CAMK1D: variants seen among roughly 807,000 people sequenced by gnomAD.
CAMK1D encodes the protein calcium/calmodulin-dependent protein kinase type 1D.
Under a neutral mutation model 47.7 loss-of-function variants are expected in CAMK1D, and 9 were observed. The ratio of observed to expected loss-of-function variants is 0.19; its 90% CI spans 0.11 to 0.33. The LOEUF is 0.33. Among genes scored for constraint, CAMK1D ranks in the 10% least tolerant of loss-of-function variants. The pLI is 1.00. For missense variants in CAMK1D, 291 were observed against 488.7 expected (o/e 0.60, Z 3.81); for synonymous variants, 184 against 184.9 (o/e 0.99, Z 0.04).
rs750447013 is a variant in CAMK1D at position 12,672,896 on chromosome 10, C to CTTTTTTTTTTTTTTTT, written c.299+6090_299+6105dup. Among the ~76,000 whole-genome samples the CTTTTTTTTTTTTTTTT allele has an allele frequency of 1.2e-3, 93 of 76,436 alleles. 2 individuals carry two copies. Among genetic ancestry groups the CTTTTTTTTTTTTTTTT allele is most frequent in the African/African-American group, 2.0e-3 (31 of 15,828 alleles). The allele number at this position is 76,436 out of a possible 152,430, so 50.1% of individuals were successfully genotyped here. A position where few individuals can be genotyped will look rare whatever the true frequency, so the allele number is the denominator to read the frequency against. ...CATGTAAGTTTTAGAATAGGCTTGC[C>CTTTTTTTTTTTTTTTT]TTTTTTTTTTTTTTTTTTTAGTCAG... On this transcript the variant is annotated intron_variant, in intron 3 of 10. Coordinates refer to ENST00000619168, the MANE Select transcript of CAMK1D (RefSeq NM_153498.4).
chr10:12,563,319 A>AC (rs1837002982), intron 2 of CAMK1D, among the ~76,000 whole-genome samples: 1 of 151,986 alleles, frequency 6.6e-6, no homozygotes, highest in African/African-American at 2.4e-5. Context: ...ACACCACTGC[A>AC]CCCCAGTCTG....
chr10:12,416,770 G>T (rs1041579433), intron 1 of CAMK1D, among the ~76,000 whole-genome samples: 3 of 152,206 alleles, frequency 2.0e-5, no homozygotes, highest in African/African-American at 7.2e-5. Flanking sequence ...TGTTTTTCCG[G>T]TGGGTTCTGC....
intron 1 of CAMK1D, among the ~76,000 whole-genome samples, chr10:12,524,335 C>T (rs1835546554): frequency 6.6e-6 from 1 of 152,294 alleles, no homozygotes; most frequent in African/African-American, 2.4e-5. Context: ...TGAAGAAAAT[C>T]TAAAAGTCCT....
intron 5 of CAMK1D, among the ~76,000 whole-genome samples, chr10:12,783,540 G>A (rs1268269395): frequency 1.3e-5 from 2 of 152,068 alleles, no homozygotes; most frequent in African/African-American, 4.8e-5. Context: ...ACGTCCTTGG[G>A]GCTCGGGAAA....
At chr10:12,624,212 G>C (rs574299043) in intron 2 of CAMK1D, among the ~76,000 whole-genome samples, 16 of 150,942 alleles carry the variant, frequency 1.1e-4, no homozygotes, top group Non-Finnish European at 1.9e-4. Flanking sequence ...GAGTGTGTGC[G>C]TGTGTGTGTG....
At chr10:12,542,218 C>T (rs1008572164) in intron 1 of CAMK1D, among the ~76,000 whole-genome samples, 10 of 152,026 alleles carry the variant, frequency 6.6e-5, no homozygotes, top group African/African-American at 9.7e-5. Context: ...ATTGTGCTGA[C>T]GTGACACTGG....
intron 2 of CAMK1D, among the ~76,000 whole-genome samples, chr10:12,602,871 C>T (rs1838343387): frequency 8.4e-6 from 1 of 119,642 alleles, no homozygotes; most frequent in African/African-American, 2.7e-5. Context: ...CTCCCATAAG[C>T]ATCACATGTC....
rs140379059 is a variant in CAMK1D at position 12,568,906 on chromosome 10, T to C, written c.224+15550T>C. Among the ~76,000 whole-genome samples the C allele has an allele frequency of 4.9e-4, 74 of 152,352 alleles. No homozygotes were observed. The East Asian group carries it at 0.01, about 21-fold the overall frequency. On this transcript the variant is annotated intron_variant, in intron 2 of 10. Transcript: ENST00000619168. ...GTTATTATTAAGTCCATTATTATTA[T>C]TCAGTTAATACAACTTTTTCAAAAA...
intron 2 of CAMK1D, among the ~76,000 whole-genome samples, chr10:12,617,934 C>A (rs1345449288): frequency 6.6e-6 from 1 of 152,116 alleles, no homozygotes; most frequent in African/African-American, 2.4e-5. Flanking sequence ...GGATTACAGC[C>A]GTTTATCTGT....
chr10:12,580,158 G>A (rs1255918936), intron 2 of CAMK1D, among the ~76,000 whole-genome samples: 1 of 152,126 alleles, frequency 6.6e-6, no homozygotes, highest in Non-Finnish European at 1.5e-5. Context: ...TTCCTAAAGG[G>A]TTAGTCATTC....
chr10:12,750,689 GA>G, intron 3 of CAMK1D, among the ~76,000 whole-genome samples: 2 of 152,246 alleles, frequency 1.3e-5, no homozygotes, highest in South Asian at 2.1e-4. Context: ...ATGAATGAAT[GA>G]ATGATGAATG....
At chr10:12,376,891 G>A (rs1267324934) in intron 1 of CAMK1D, among the ~76,000 whole-genome samples, 2 of 151,866 alleles carry the variant, frequency 1.3e-5, no homozygotes, top group East Asian at 3.9e-4. Flanking sequence ...CTCCCCAGTA[G>A]CTGGGATTAC....
rs1427987062 is a variant in CAMK1D, at chr10:12,522,874, A to AC, written c.93-30345dup. ...AGGGCGGCTGGCCGGGCGGGGGCTGACCCCCCACCTCCCTCCCGGACGGGG... is the reference window on the plus strand; with the variant it reads ...AGGGCGGCTGGCCGGGCGGGGGCTGACCCCCCCACCTCCCTCCCGGACGGGG... On this transcript the variant is annotated intron_variant, in intron 1 of 10. Transcript: ENST00000619168. 8.2e-4 allele frequency among the ~76,000 whole-genome samples: 57 copies of AC among 69,850 alleles called. 5 individuals carry two copies. Among genetic ancestry groups the AC allele is most frequent in the Non-Finnish European group, 1.2e-3 (41 of 35,638 alleles). 45.8% of individuals were successfully genotyped at this position (69,850 alleles called of 152,430 possible). A position where few individuals can be genotyped will look rare whatever the true frequency, so the allele number is the denominator to read the frequency against.
intron 3 of CAMK1D, among the ~76,000 whole-genome samples, chr10:12,701,719 A>G (rs183663871): frequency 3.9e-5 from 6 of 152,374 alleles, no homozygotes; most frequent in East Asian, 1.9e-4. Context: ...GCATTCTCCA[A>G]ACATACTCAT....
intron 1 of CAMK1D, among the ~76,000 whole-genome samples, chr10:12,430,996 C>T (rs11257788): frequency 0.012 from 1,842 of 152,274 alleles, 38 homozygotes; most frequent in African/African-American, 0.043. Context: ...GTGATCCGCC[C>T]GCTTTGGCCT....
chr10:12,619,022 C>A (rs1838909217), intron 2 of CAMK1D, among the ~76,000 whole-genome samples: 1 of 152,218 alleles, frequency 6.6e-6, no homozygotes, highest in Non-Finnish European at 1.5e-5. Context: ...CAGTGCTATG[C>A]AGTACTACTA....
rs116811004 is a variant in CAMK1D, at chr10:12,417,667, G to A, written c.92+67757G>A. Among the ~76,000 whole-genome samples, 460 of 152,326 alleles carry A rather than the reference G, an allele frequency of 3.0e-3. 5 individuals carry two copies. Among genetic ancestry groups the A allele is most frequent in the African/African-American group, 0.011 (442 of 41,570 alleles). Reference sequence around the variant, plus strand: ...TCCTTCAGAAATGAGGGCTGGGGGAGGCCCGAGGCTGGCCATCTGGGGAGC... The same window carrying A: ...TCCTTCAGAAATGAGGGCTGGGGGAAGCCCGAGGCTGGCCATCTGGGGAGC... On this transcript the variant is annotated intron_variant, in intron 1 of 10. Transcript: ENST00000619168.
intron 1 of CAMK1D, among the ~76,000 whole-genome samples, chr10:12,495,197 C>G (rs1205585827): frequency 6.6e-6 from 1 of 152,110 alleles, no homozygotes; most frequent in African/African-American, 2.4e-5. Flanking sequence ...TTTCTCAGAA[C>G]AAAAATGTGT....
intron 1 of CAMK1D, among the ~76,000 whole-genome samples, chr10:12,473,492 G>A (rs1364950999): frequency 1.3e-5 from 2 of 152,126 alleles, no homozygotes; most frequent in African/African-American, 4.8e-5. Context: ...TTATGTGCAA[G>A]GTATTGTCTG....
Sources: allele counts gnomAD v4.1 joint callset (sites outside exome capture counted in the v4.1 genomes callset), GRCh38; gene constraint gnomAD v4.1.1; transcripts MANE v1.5; gene names NCBI Gene and HGNC (gene_info 2026-07-23, HGNC 2026-07-21).